PTAR1: variants seen among roughly 807,000 people sequenced by gnomAD.
PTAR1 encodes protein prenyltransferase alpha subunit repeat-containing protein 1.
In PTAR1, 17 loss-of-function variants were observed where a neutral mutation model predicts 45.5. That is an observed-to-expected ratio of 0.37 (90% CI 0.26 to 0.56). The LOEUF (loss-of-function observed/expected upper bound fraction) is 0.56, where lower values mean the gene tolerates loss of function less well. Among genes scored for constraint, PTAR1 ranks in the 20% least tolerant of loss-of-function variants. The probability of loss-of-function intolerance (pLI) is 0.77; values close to 1 mark genes in which losing one functional copy is unlikely to be tolerated. For synonymous variants in PTAR1, 169 were observed against 171.3 expected, an observed-to-expected ratio of 0.99 and a Z score of 0.11; for missense variants, 391 against 476.3, an observed-to-expected ratio of 0.82 and a Z score of 1.67.
chr9:69,718,407 G>A lies in PTAR1; in HGVS notation c.1144C>T (p.Arg382Trp), dbSNP rs1455963838. The A allele has an allele frequency of 1.4e-5, 22 of 1,613,282 alleles. No individual in the cohort carries two copies. Among genetic ancestry groups the A allele is most frequent in the Middle Eastern group, 3.3e-4 (2 of 6,078 alleles). Residue 382 changes from arginine (R) to tryptophan (W), a missense_variant, in exon 8 of 8, where the codon CGG (arginine) becomes TGG (tryptophan). This residue lies in a region of PTAR1 where 181 missense variants were observed against 227.7 expected (regional missense o/e 0.80). Transcript: ENST00000340434. ...GCAAACCTGGCTTGCTCCACGTTCC[G>A]ACAGGTGGACAATACTTGATCAATG... ...RFIDQVLSTC[R>W]NVEQARFASA...
At chr9:69,751,959 GC>G (rs1476518396) in intron 1 of PTAR1, among the ~76,000 whole-genome samples, 1 of 152,014 alleles carries the variant, frequency 6.6e-6, no homozygotes, top group East Asian at 1.9e-4. Flanking sequence ...AAAAATTTGT[GC>G]AAAACACATT....
intron 3 of PTAR1, among the ~76,000 whole-genome samples, chr9:69,739,344 C>T (rs906736192): frequency 3.4e-5 from 5 of 148,496 alleles, no homozygotes; most frequent in African/African-American, 1.0e-4. Context: ...GAAAATAGGA[C>T]ATTATTACTA....
intron 2 of PTAR1, among the ~76,000 whole-genome samples, chr9:69,744,001 GA>G (rs1320367379): frequency 2.0e-5 from 3 of 152,132 alleles, no homozygotes; most frequent in Non-Finnish European, 4.4e-5. Context: ...TACCATACTG[GA>G]AAAAGTATGA....
intron 6 of PTAR1, among the ~76,000 whole-genome samples, chr9:69,720,950 A>C (rs1350822087): frequency 6.6e-6 from 1 of 152,190 alleles, no homozygotes; most frequent in Admixed American, 6.5e-5. Context: ...TGAGATGTAC[A>C]AAAAGATTCA....
intron 2 of PTAR1, among the ~76,000 whole-genome samples, chr9:69,748,666 T>C (rs886309422): frequency 2.0e-5 from 3 of 152,120 alleles, no homozygotes; most frequent in African/African-American, 7.2e-5. Flanking sequence ...CTTATAAATA[T>C]ATATTCTCTA....
chr9:69,759,998 G>A lies in PTAR1; in HGVS notation c.-60C>T, dbSNP rs550896557. 8 of 1,351,648 alleles carry A rather than the reference G, an allele frequency of 5.9e-6. No homozygotes were observed. The East Asian group carries it at 1.0e-4, about 17-fold the overall frequency. 83.7% of individuals were successfully genotyped at this position (1,351,648 alleles called of 1,614,324 possible). A position where few individuals can be genotyped will look rare whatever the true frequency, so the allele number is the denominator to read the frequency against. On this transcript the variant is annotated 5_prime_UTR_variant, in exon 1 of 8. Coordinates refer to ENST00000340434, the MANE Select transcript of PTAR1 (RefSeq NM_001099666.2). The stretch of plus-strand genomic sequence containing the variant: ...CGCGTGAGCCGGGCCGCCGGCGGGA[G>A]TTCCGCGGAGAACGAGCGCGCGCGC...
rs372892120 is a variant in PTAR1 at position 69,741,807 on chromosome 9, G to A, written c.308C>T (p.Thr103Ile). The change falls in exon 3 of 8, where the codon ACT (threonine) becomes ATT (isoleucine). Residue 103 changes from threonine to isoleucine, a missense_variant. Around this residue, in one of 5 missense-constraint regions of PTAR1, gnomAD observed 152 missense variants for 160.0 expected, o/e 0.95. Coordinates refer to ENST00000340434, the MANE Select transcript of PTAR1 (RefSeq NM_001099666.2). ...TLLLLNPDFT[T>I]AWNVRKELIL... ...AATGACATACCTCACGTTCCATGCA[G>A]TGGTAAAGTCTGGGTTTAGAAGCAG... 169 of 1,598,652 alleles carry A rather than the reference G, an allele frequency of 1.1e-4. 2 individuals are homozygous for A. In the South Asian group the frequency reaches 1.5e-3, roughly 14 times the overall value.
At chr9:69,730,216 C>G (rs1352454579) in intron 5 of PTAR1, among the ~76,000 whole-genome samples, 2 of 151,790 alleles carry the variant, frequency 1.3e-5, no homozygotes, top group African/African-American at 4.8e-5. Flanking sequence ...CCTCCAAGGG[C>G]GGGTCAAGGA....
At chr9:69,724,813 T>A (rs1588448380) in intron 5 of PTAR1, among the ~76,000 whole-genome samples, 2 of 152,334 alleles carry the variant, frequency 1.3e-5, no homozygotes, top group East Asian at 1.9e-4. Flanking sequence ...TACATAAATA[T>A]TTTATGAAAT....
At position 69,715,474 on chromosome 9, in the gene PTAR1, G is replaced by A. The variant is rs997338567; in HGVS notation, c.*2868C>T. The A allele has an allele frequency of 6.6e-6, 1 of 152,122 alleles. No homozygotes were observed. The highest frequency in any genetic ancestry group is 2.4e-5 in the African/African-American group (1 of 41,446). The allele number at this position is 152,122 out of a possible 1,614,324, so 9.4% of individuals were successfully genotyped here. A position where few individuals can be genotyped will look rare whatever the true frequency, so the allele number is the denominator to read the frequency against. Reference sequence around the variant, plus strand: ...AATAGGTACACTAAAGTACACTAAGGTACACTAAAGGCGGGGTGAAGGTGG... The same window carrying A: ...AATAGGTACACTAAAGTACACTAAGATACACTAAAGGCGGGGTGAAGGTGG... On this transcript the variant is annotated 3_prime_UTR_variant, in exon 8 of 8. Transcript: ENST00000340434.
rs1450233735 is a variant in PTAR1, at chr9:69,718,539, C to T, written c.1012G>A (p.Val338Ile). 1.2e-6 allele frequency: 2 copies of T among 1,613,642 alleles called. No individual in the cohort carries two copies. The highest frequency in any genetic ancestry group is 1.7e-6 in the Non-Finnish European group (2 of 1,179,718). The change falls in exon 8 of 8, where the codon GTA becomes ATA. Residue 338 changes from valine to isoleucine, a missense_variant. Physicochemically the swap from Val to Ile is conservative, Grantham distance 29 (BLOSUM62 3). Coordinates refer to ENST00000340434, the MANE Select transcript of PTAR1 (RefSeq NM_001099666.2). ...AGSQLSQAMEVDGLNDSSKQG... is the reference protein window; with the variant it reads ...AGSQLSQAMEIDGLNDSSKQG... The stretch of plus-strand genomic sequence containing the variant: ...TTGCTAGAGTCATTCAGTCCATCTA[C>T]TTCCATTGCTTGAGACAGCTGGGAG...
At chr9:69,729,890 T>G (rs938957792) in intron 5 of PTAR1, among the ~76,000 whole-genome samples, 1 of 152,234 alleles carries the variant, frequency 6.6e-6, no homozygotes, top group Non-Finnish European at 1.5e-5. Context: ...TGCCCTTCAG[T>G]AAGCTTATAA....
chr9:69,730,139 T>C (rs1463499732), intron 5 of PTAR1, among the ~76,000 whole-genome samples: 1 of 152,088 alleles, frequency 6.6e-6, no homozygotes, highest in East Asian at 1.9e-4. Flanking sequence ...AATTTAGGAC[T>C]CCTCACTGAC....
intron 2 of PTAR1, among the ~76,000 whole-genome samples, chr9:69,748,324 A>AT (rs1004716612): frequency 2.8e-4 from 43 of 152,130 alleles, no homozygotes; most frequent in African/African-American, 1.0e-3. Flanking sequence ...CCTGCTTCTT[A>AT]TATCTGTTAT....
At chr9:69,736,785 T>C (rs1301522524) in intron 3 of PTAR1, among the ~76,000 whole-genome samples, 2 of 152,064 alleles carry the variant, frequency 1.3e-5, no homozygotes, top group African/African-American at 4.8e-5. Flanking sequence ...CGGTACAGAA[T>C]TTTAAAAAAA....
intron 1 of PTAR1, among the ~76,000 whole-genome samples, chr9:69,752,717 C>T (rs1826585394): frequency 6.6e-6 from 1 of 152,024 alleles, no homozygotes; most frequent in Non-Finnish European, 1.5e-5. Context: ...AATGTTACCA[C>T]TTTACTACTC....
At chr9:69,724,369 C>T (rs1034826238) in intron 5 of PTAR1, among the ~76,000 whole-genome samples, 19 of 152,092 alleles carry the variant, frequency 1.2e-4, no homozygotes, top group Admixed American at 1.2e-3. Flanking sequence ...AAAAGCAGCA[C>T]CTATGCAAAA....
In PTAR1 at chr9:69,709,703, T is replaced by G. The variant is rs771758761; in HGVS notation, c.*8639A>C. 6.6e-6 allele frequency: 1 copy of G among 152,080 alleles called. No homozygotes were observed. Among genetic ancestry groups the G allele is most frequent in the African/African-American group, 2.4e-5 (1 of 41,408 alleles). 9.4% of individuals were successfully genotyped at this position (152,080 alleles called of 1,614,324 possible). A position where few individuals can be genotyped will look rare whatever the true frequency, so the allele number is the denominator to read the frequency against. On this transcript the variant is annotated 3_prime_UTR_variant, in exon 8 of 8. Transcript: ENST00000340434. ...TCTACTTTTCTGCCACTTATCACAG[T>G]GTAATAAGTGCCAGTAAGTCCTGGA...
intron 2 of PTAR1, among the ~76,000 whole-genome samples, chr9:69,745,128 C>T (rs979886315): frequency 3.3e-5 from 5 of 152,186 alleles, no homozygotes; most frequent in African/African-American, 1.2e-4. Flanking sequence ...TACAATTAAA[C>T]GCCATCACTG....
Sources: gnomAD v4.1 joint callset for allele counts (sites outside exome capture counted in the v4.1 genomes callset) on GRCh38, gnomAD v4.1.1 for gene constraint, gnomAD v4.1.1 regional missense constraint, MANE v1.5 for transcripts, NCBI Gene and HGNC (gene_info 2026-07-23, HGNC 2026-07-21) for gene names.